PTPRN: variants seen among roughly 807,000 people sequenced by gnomAD.
PTPRN encodes the protein receptor-type tyrosine-protein phosphatase-like N.
In PTPRN, 70 loss-of-function variants were observed where a neutral mutation model predicts 108.5. The ratio of observed to expected loss-of-function variants is 0.65; its 90% CI spans 0.53 to 0.79. The LOEUF (loss-of-function observed/expected upper bound fraction) is 0.79. Among genes scored for constraint, PTPRN ranks in the 30% least tolerant of loss-of-function variants. PTPRN has a pLI of 0.00. For missense variants in PTPRN, 1,136 were observed against 1,295.5 expected (o/e 0.88, Z 1.89); for synonymous variants, 496 against 524.6 (o/e 0.95, Z 0.75).
In PTPRN at chr2:219,296,003, C is replaced by T. The variant is rs1373191864; in HGVS notation, c.2508+223G>A. 1.7e-6 allele frequency: 1 copy of T among 578,108 alleles called. No individual in the cohort carries two copies. Among genetic ancestry groups the T allele is most frequent in the Non-Finnish European group, 2.9e-6 (1 of 343,298 alleles). 35.8% of individuals were successfully genotyped at this position (578,108 alleles called of 1,614,324 possible). A position where few individuals can be genotyped will look rare whatever the true frequency, so the allele number is the denominator to read the frequency against. On this transcript the variant is annotated intron_variant, in intron 18 of 22. Transcript: ENST00000295718. This position sits in a 1 kb window ranked among gnomAD's most constrained non-coding sequence, Gnocchi z 6.0. ...ACACACACACACACACACACACACA[C>T]ATGTATGTTCTGTAAACAGGACACA...
chr2:219,302,497 G>T lies in PTPRN; in HGVS notation c.640-6C>A. The T allele has an allele frequency of 6.2e-7, 1 of 1,613,900 alleles. No homozygotes were observed. Among genetic ancestry groups the T allele is most frequent in the Non-Finnish European group, 8.5e-7 (1 of 1,179,916 alleles). Reference sequence around the variant, plus strand: ...GAGCCATCACGGGAGCCAAACTGTGGAAAACCAGAGATCTGGGTAAGAGCA... The same window carrying T: ...GAGCCATCACGGGAGCCAAACTGTGTAAAACCAGAGATCTGGGTAAGAGCA... On this transcript the variant is annotated splice_region_variant and splice_polypyrimidine_tract_variant and intron_variant, in intron 5 of 22. Coordinates refer to ENST00000295718, the MANE Select transcript of PTPRN (RefSeq NM_002846.4).
Position 219,291,936 on chromosome 2 carries a change from T to G in PTPRN, c.2676-413A>C. The G allele has an allele frequency of 1.3e-5, 3 of 225,164 alleles. No homozygotes were observed. In the South Asian group the frequency reaches 1.9e-4, roughly 14 times the overall value. The allele number at this position is 225,164 out of a possible 1,614,324, so 13.9% of individuals were successfully genotyped here. ...GGTAGCAGGTGGCAACTATTAATGATAATACATCATCATATTAAGAGACAC... is the reference window on the plus strand; with the variant it reads ...GGTAGCAGGTGGCAACTATTAATGAGAATACATCATCATATTAAGAGACAC... On this transcript the variant is annotated intron_variant, in intron 19 of 22. Transcript: ENST00000295718.
In PTPRN at chr2:219,291,524, C is replaced by T. The variant is rs762299223; in HGVS notation, c.2676-1G>A. 18 of 1,613,788 alleles carry T rather than the reference C, an allele frequency of 1.1e-5. No individual in the cohort carries two copies. ...GCCCCGGTAGCACTTGTTCACCTTC[C>T]TGCAACAAGAAATGGGTGTGAGGGC... On this transcript the variant is annotated splice_acceptor_variant, in intron 19 of 22. Transcript: ENST00000295718. LOFTEE classifies it high-confidence loss of function.
intron 4 of PTPRN, among the ~76,000 whole-genome samples, chr2:219,303,137 A>G (rs1056449266): frequency 5.3e-5 from 8 of 152,170 alleles, no homozygotes; most frequent in Admixed American, 2.6e-4. Flanking sequence ...GAGCAGGGGA[A>G]GGCAACCAGG....
At position 219,296,160 on chromosome 2, in the gene PTPRN, G is replaced by A. The variant is rs1412400767; in HGVS notation, c.2508+66C>T. The A allele has an allele frequency of 3.4e-5, 54 of 1,595,892 alleles. 1 individual carries two copies. Among genetic ancestry groups the A allele is most frequent in the South Asian group, 6.6e-5 (6 of 90,476 alleles). ...TGAGTGCTCATTTGGTGAAGAAAAC[G>A]TTACGAAAAGGCCATCATCTACTCT... is the stretch of plus-strand genomic sequence containing the variant. On this transcript the variant is annotated intron_variant, in intron 18 of 22. Coordinates refer to ENST00000295718, the MANE Select transcript of PTPRN (RefSeq NM_002846.4). The surrounding 1 kb of genome is among the most constrained non-coding windows in gnomAD (Gnocchi z 6.0).
At position 219,302,566 on chromosome 2, in the gene PTPRN, A is replaced by T; in HGVS notation, c.639+10T>A. The T allele has an allele frequency of 6.2e-7, 1 of 1,613,974 alleles. No homozygotes were observed. Among genetic ancestry groups the T allele is most frequent in the Non-Finnish European group, 8.5e-7 (1 of 1,179,922 alleles). ...CTGCGGTTGGGGTGGGACCAGAGTC[A>T]AGGACTTACCTGGTGGAACAGGTAG... On this transcript the variant is annotated intron_variant, in intron 5 of 22. Coordinates refer to ENST00000295718, the MANE Select transcript of PTPRN (RefSeq NM_002846.4).
In PTPRN at chr2:219,302,487, C is replaced by T. The variant is rs565592583; in HGVS notation, c.644G>A (p.Gly215Asp). 6.2e-7 allele frequency: 1 copy of T among 1,613,734 alleles called. No individual in the cohort carries two copies. Among genetic ancestry groups the T allele is most frequent in the African/African-American group, 1.3e-5 (1 of 75,022 alleles). Residue 215 changes from glycine to aspartate, a missense_variant, in exon 6 of 23, where the codon GGC becomes GAC. Gly to Asp is a moderately conservative substitution (Grantham distance 94, BLOSUM62 -1). Coordinates refer to ENST00000295718, the MANE Select transcript of PTPRN (RefSeq NM_002846.4). Reference sequence around the variant, plus strand: ...TGAGACCCTGGAGCCATCACGGGAGCCAAACTGTGGAAAACCAGAGATCTG... The same window carrying T: ...TGAGACCCTGGAGCCATCACGGGAGTCAAACTGTGGAAAACCAGAGATCTG... ...LLQPYLFHQF[G>D]SRDGSRVSEG...
chr2:219,301,266 C>T (rs1952338025), intron 7 of PTPRN, among the ~76,000 whole-genome samples: 1 of 152,210 alleles, frequency 6.6e-6, no homozygotes, highest in Non-Finnish European at 1.5e-5. Flanking sequence ...CTGGCTTCTT[C>T]TTAGTACTGG....
In PTPRN at chr2:219,309,321, C is replaced by A; in HGVS notation, c.12G>T (p.Pro4=). The stretch of plus-strand genomic sequence containing the variant: ...ATCCCCCGAGACCCCCAGGCCGCCG[C>A]GGGCGCCGCATCTTTCCGAGCTCCG... MRR[P]RRPGGLGGSG... Residue 4 remains proline, a synonymous_variant, in exon 1 of 23, where the codon CCG becomes CCT. Coordinates refer to ENST00000295718, the MANE Select transcript of PTPRN (RefSeq NM_002846.4). 2 of 1,476,486 alleles carry A rather than the reference C, an allele frequency of 1.4e-6. No individual in the cohort carries two copies. The highest frequency in any genetic ancestry group is 1.2e-5 in the South Asian group (1 of 80,308). 91.5% of individuals were successfully genotyped at this position (1,476,486 alleles called of 1,614,324 possible).
chr2:219,309,130 A>G, intron 1 of PTPRN, 88 bp downstream of exon 1: 4 of 1,384,268 alleles, frequency 2.9e-6, no homozygotes, highest in Non-Finnish European at 3.9e-6. Flanking sequence ...GCTTCATGAC[A>G]TTTCACCCTC....
chr2:219,308,953 T>A (rs1952554490), intron 1 of PTPRN: 2 of 1,456,912 alleles, frequency 1.4e-6, no homozygotes, highest in South Asian at 1.2e-5. Flanking sequence ...TCTGCCCACA[T>A]GCACCCCGTG....
Position 219,309,336 on chromosome 2 carries a change from T to G in PTPRN, c.-4A>C. The G allele has an allele frequency of 7.0e-7, 1 of 1,421,620 alleles. No homozygotes were observed. The highest frequency in any genetic ancestry group is 9.3e-7 in the Non-Finnish European group (1 of 1,078,420). 88.1% of individuals were successfully genotyped at this position (1,421,620 alleles called of 1,614,324 possible). A position where few individuals can be genotyped will look rare whatever the true frequency, so the allele number is the denominator to read the frequency against. ...CAGGCCGCCGCGGGCGCCGCATCTTTCCGAGCTCCGGGCGCTCGCTCCCGG... is the reference window on the plus strand; with the variant it reads ...CAGGCCGCCGCGGGCGCCGCATCTTGCCGAGCTCCGGGCGCTCGCTCCCGG... On this transcript the variant is annotated 5_prime_UTR_variant, in exon 1 of 23. Coordinates refer to ENST00000295718, the MANE Select transcript of PTPRN (RefSeq NM_002846.4).
intron 3 of PTPRN, among the ~76,000 whole-genome samples, chr2:219,304,813 T>G (rs1027913322): frequency 1.3e-5 from 2 of 152,236 alleles, no homozygotes; most frequent in African/African-American, 2.4e-5. Context: ...ATTATTCCCA[T>G]GCAAACAATA....
In PTPRN at chr2:219,298,059, G is replaced by A; in HGVS notation, c.1713C>T (p.Thr571=). 1.2e-6 allele frequency: 2 copies of A among 1,614,018 alleles called. No homozygotes were observed. The highest frequency in any genetic ancestry group is 1.7e-4 in the Middle Eastern group (1 of 6,060). The change falls in exon 13 of 23, where the codon ACC becomes ACT. Residue 571 remains threonine, a synonymous_variant. Coordinates refer to ENST00000295718, the MANE Select transcript of PTPRN (RefSeq NM_002846.4). The stretch of plus-strand genomic sequence containing the variant: ...TGAGCAGCACTGAGCGCATGGGTGA[G>A]GTGCTGTGCGCAGTTTGGGGAAGGA... ...AAVLPQTAHS[T]SPMRSVLLTL... is the part of the protein sequence containing the mutation.
intron 18 of PTPRN, chr2:219,295,975 G>GACACAC (rs58673887): frequency 0.013 from 5,614 of 423,200 alleles, 30 homozygotes; most frequent in South Asian, 0.019. Flanking sequence ...CTCTAGACAG[G>GACACAC]ACACACACAC....
At position 219,302,912 on chromosome 2, in the gene PTPRN, G is replaced by C. The variant is rs1483598231; in HGVS notation, c.378-75C>G. 7.2e-6 allele frequency: 11 copies of C among 1,527,818 alleles called. No individual in the cohort carries two copies. The African/African-American group carries it at 1.4e-4, about 19-fold the overall frequency. 94.6% of individuals were successfully genotyped at this position (1,527,818 alleles called of 1,614,324 possible). On this transcript the variant is annotated intron_variant, in intron 4 of 22. Transcript: ENST00000295718. ...AGAGCCTGCAAGGCAGAACTATTCGGGGCCAGGCAGGCTCAGCGGTTAAGA... is the reference window on the plus strand; with the variant it reads ...AGAGCCTGCAAGGCAGAACTATTCGCGGCCAGGCAGGCTCAGCGGTTAAGA...
At position 219,296,896 on chromosome 2, in the gene PTPRN, G is replaced by A; in HGVS notation, c.2237-74C>T. The A allele has an allele frequency of 6.2e-7, 1 of 1,612,842 alleles. No homozygotes were observed. The highest frequency in any genetic ancestry group is 8.5e-7 in the Non-Finnish European group (1 of 1,179,126). ...TCGCGGGACCTCTGCCACTCAGCCT[G>A]AGCCAGAAGCCCAACCCCTTACCCC... On this transcript the variant is annotated intron_variant, in intron 15 of 22. Coordinates refer to ENST00000295718, the MANE Select transcript of PTPRN (RefSeq NM_002846.4). This position sits in a 1 kb window ranked among gnomAD's most constrained non-coding sequence, Gnocchi z 6.0.
Position 219,301,589 on chromosome 2 carries a change from C to G in PTPRN, c.1125G>C (p.Pro375=), listed in dbSNP as rs201427787. The part of the protein sequence containing the change: ...QLLPKGAGRN[P]GGVVNVGADI... ...CCCTCCCTCTGCCTGGACACTTACC[C>G]GGATTTCTTCCTGCACCCTTGGGCA... The change falls in exon 7 of 23, where the codon CCG becomes CCC. Residue 375 remains proline (P), a splice_region_variant and synonymous_variant. Coordinates refer to ENST00000295718, the MANE Select transcript of PTPRN (RefSeq NM_002846.4). 1.2e-6 allele frequency: 2 copies of G among 1,605,292 alleles called. No homozygotes were observed. Among genetic ancestry groups the G allele is most frequent in the East Asian group, 2.2e-5 (1 of 44,616 alleles).
chr2:219,296,166 A>G lies in PTPRN; in HGVS notation c.2508+60T>C. 2.5e-6 allele frequency: 4 copies of G among 1,597,882 alleles called. No homozygotes were observed. The South Asian group carries it at 3.3e-5, about 13-fold the overall frequency. The stretch of plus-strand genomic sequence containing the variant: ...CTCATTTGGTGAAGAAAACGTTACG[A>G]AAAGGCCATCATCTACTCTTCCCAC... On this transcript the variant is annotated intron_variant, in intron 18 of 22. Transcript: ENST00000295718. This position sits in a 1 kb window ranked among gnomAD's most constrained non-coding sequence, Gnocchi z 6.0.
Sources: gnomAD v4.1 joint callset for allele counts (sites outside exome capture counted in the v4.1 genomes callset) on GRCh38, gnomAD v4.1.1 for gene constraint, Gnocchi (gnomAD v3.1) non-coding constraint, MANE v1.5 for transcripts, NCBI Gene and HGNC (gene_info 2026-07-23, HGNC 2026-07-21) for gene names.